Variants in PRDM16 observed in about 807,000 individuals in gnomAD.
The protein encoded by PRDM16 is histone-lysine N-methyltransferase PRDM16.
Under a neutral mutation model 110.6 loss-of-function variants are expected in PRDM16, and 23 were observed. That is an observed-to-expected ratio of 0.21 (90% confidence interval 0.15 to 0.29). The LOEUF is 0.29. Among genes scored for constraint, PRDM16 ranks in the 10% least tolerant of loss-of-function variants. The pLI, the probability that PRDM16 is intolerant of heterozygous loss-of-function variation, is 1.00. For missense variants in PRDM16, 1,615 were observed against 1,794.3 expected (o/e 0.90, Z 1.81); for synonymous variants, 799 against 781.8 (o/e 1.02, Z -0.37).
intron 3 of PRDM16, among the ~76,000 whole-genome samples, chr1:3,260,714 G>GC (rs1484025538): frequency 9.4e-4 from 1 of 1,066 alleles, no homozygotes. Flanking sequence ...ATGGTGGTGG[G>GC]GTGATGACGG....
chr1:3,179,851 A>G (rs774023336), intron 1 of PRDM16, among the ~76,000 whole-genome samples: 7 of 151,842 alleles, frequency 4.6e-5, no homozygotes, highest in Non-Finnish European at 8.8e-5. Flanking sequence ...AAGCCCAGAG[A>G]TCTGTGGCCT....
chr1:3,176,946 A>G (rs1397635264), intron 1 of PRDM16, among the ~76,000 whole-genome samples: 4 of 151,584 alleles, frequency 2.6e-5, no homozygotes, highest in Admixed American at 1.3e-4. Flanking sequence ...TCATTCACAT[A>G]CCCATTCATT....
intron 1 of PRDM16, among the ~76,000 whole-genome samples, chr1:3,131,993 A>G (rs1029086867): frequency 6.6e-6 from 1 of 152,260 alleles, no homozygotes; most frequent in African/African-American, 2.4e-5. Flanking sequence ...TAGGATTTAA[A>G]TTAGTTTTTT....
At position 3,069,960 on chromosome 1, in the gene PRDM16, C is replaced by T. The variant is rs1641707643; in HGVS notation, c.37+664C>T. ...AGCAAAATGGAGACTTTTGCCCGGG[C>T]TGGGAACTGTGGTCGTGAAGTTTAT... On this transcript the variant is annotated intron_variant, in intron 1 of 16. Transcript: ENST00000270722. This position sits in a 1 kb window ranked among gnomAD's most constrained non-coding sequence, Gnocchi z 6.1. Among the ~76,000 whole-genome samples, 1 of 151,980 alleles carries T rather than the reference C, an allele frequency of 6.6e-6. No homozygotes were observed. The highest frequency in any genetic ancestry group is 1.5e-5 in the Non-Finnish European group (1 of 67,976).
chr1:3,391,510 T>A (rs1422903089), intron 4 of PRDM16, among the ~76,000 whole-genome samples: 1 of 152,258 alleles, frequency 6.6e-6, no homozygotes, highest in Admixed American at 6.5e-5. Context: ...AACTGTGGAC[T>A]CGTCATTTAT....
chr1:3,071,178 C>T (rs1641750430), intron 1 of PRDM16, among the ~76,000 whole-genome samples: 1 of 152,270 alleles, frequency 6.6e-6, no homozygotes, highest in Admixed American at 6.5e-5. Flanking sequence ...GCGCTGACGC[C>T]GGGGCCTTCG....
intron 1 of PRDM16, among the ~76,000 whole-genome samples, chr1:3,126,097 A>G (rs1397699018): frequency 6.6e-6 from 1 of 152,208 alleles, no homozygotes; most frequent in Non-Finnish European, 1.5e-5. Flanking sequence ...CTGTGAATAT[A>G]CAACTGTTTA....
At chr1:3,138,152 C>T (rs1643477244) in intron 1 of PRDM16, among the ~76,000 whole-genome samples, 1 of 152,328 alleles carries the variant, frequency 6.6e-6, no homozygotes, top group South Asian at 2.1e-4. Context: ...CAGAGAACTT[C>T]CTGCTTCCCT....
chr1:3,182,642 G>C (rs964768633), intron 1 of PRDM16, among the ~76,000 whole-genome samples: 2 of 152,168 alleles, frequency 1.3e-5, no homozygotes, highest in Non-Finnish European at 2.9e-5. Context: ...GCGAGGGGCA[G>C]AGGTCACCGT....
At chr1:3,365,044 G>A (rs1006740396) in intron 3 of PRDM16, among the ~76,000 whole-genome samples, 2 of 152,236 alleles carry the variant, frequency 1.3e-5, no homozygotes, top group South Asian at 4.1e-4. Context: ...GTCCCCAGGA[G>A]AAAATAGGTT....
chr1:3,420,611 G>A (rs561283115), intron 12 of PRDM16, among the ~76,000 whole-genome samples: 2 of 152,292 alleles, frequency 1.3e-5, no homozygotes, highest in African/African-American at 4.8e-5. Flanking sequence ...GTGTTTCAAA[G>A]CCCTGAGGTA....
intron 3 of PRDM16, 68 bp from the exon 4 acceptor site, chr1:3,385,084 G>T: frequency 6.3e-7 from 1 of 1,584,500 alleles, no homozygotes; most frequent in African/African-American, 1.3e-5. Flanking sequence ...TTCTGGGTGG[G>T]CAGAGGCTGT....
intron 3 of PRDM16, among the ~76,000 whole-genome samples, chr1:3,334,587 G>A (rs1642106977): frequency 6.6e-6 from 1 of 152,140 alleles, no homozygotes; most frequent in Admixed American, 6.5e-5. Flanking sequence ...CACCTACAAT[G>A]GCCACAATGC....
intron 3 of PRDM16, among the ~76,000 whole-genome samples, chr1:3,314,567 T>TTCTC (rs143276828): frequency 6.6e-6 from 1 of 151,434 alleles, no homozygotes; most frequent in South Asian, 2.1e-4. Flanking sequence ...TGTGTGAGCG[T>TTCTC]TCTCTCTCTC....
Position 3,350,449 on chromosome 1 carries a change from GGGCT to G in PRDM16, c.439-34701_439-34698del, listed in dbSNP as rs755134850. Among the ~76,000 whole-genome samples, 3 of 152,190 alleles carry G rather than the reference GGGCT, an allele frequency of 2.0e-5. No individual in the cohort carries two copies. Among genetic ancestry groups the G allele is most frequent in the Non-Finnish European group, 4.4e-5 (3 of 68,024 alleles). ...TCTACTGCTCCGTCTGTGCAGCCTG[GGGCT>G]GCAGTCAGGGTCAGGTTTGGTGACA... is the stretch of plus-strand genomic sequence containing the variant. On this transcript the variant is annotated intron_variant, in intron 3 of 16. Transcript: ENST00000270722. The surrounding 1 kb of genome is among the most constrained non-coding windows in gnomAD (Gnocchi z 7.1).
intron 3 of PRDM16, among the ~76,000 whole-genome samples, chr1:3,378,436 C>A (rs113806846): frequency 1.3e-5 from 2 of 152,260 alleles, no homozygotes; most frequent in East Asian, 3.9e-4. Context: ...CAGAACAGGG[C>A]TCGGGGACCC....
intron 1 of PRDM16, among the ~76,000 whole-genome samples, chr1:3,183,431 C>A (rs1242425264): frequency 6.6e-6 from 1 of 152,214 alleles, no homozygotes; most frequent in Non-Finnish European, 1.5e-5. Context: ...GTTCTCTGCA[C>A]CTCATTTTCT....
Position 3,417,875 on chromosome 1 carries a change from C to A in PRDM16, c.2739C>A (p.Ala913=). 2 of 1,613,850 alleles carry A rather than the reference C, an allele frequency of 1.2e-6. No homozygotes were observed. The change falls in exon 11 of 17, where the codon GCC becomes GCA. Residue 913 remains alanine (A), a synonymous_variant. Coordinates refer to ENST00000270722, the MANE Select transcript of PRDM16 (RefSeq NM_022114.4). ...TMTEKLESFA[A]MKADSGSSLQ... ...CAGAGAAGCTGGAGAGCTTTGCAGC[C>A]ATGAAGGCGGACTCGGGCAGCTCCC...
At chr1:3,091,347 G>T (rs763317821) in intron 1 of PRDM16, among the ~76,000 whole-genome samples, 6 of 152,116 alleles carry the variant, frequency 3.9e-5, no homozygotes, top group Non-Finnish European at 8.8e-5. Context: ...TGACTTAAGC[G>T]GGTGCAGCCA....
Sources: allele counts gnomAD v4.1 joint callset (sites outside exome capture counted in the v4.1 genomes callset), GRCh38; gene constraint gnomAD v4.1.1; non-coding constraint Gnocchi (gnomAD v3.1); transcripts MANE v1.5; gene names NCBI Gene and HGNC (gene_info 2026-07-23, HGNC 2026-07-21).